Variants in TTC7A observed in about 807,000 individuals in gnomAD.
The protein encoded by TTC7A is tetratricopeptide repeat domain 7A.
In TTC7A, 110 loss-of-function variants were observed where a neutral mutation model predicts 103.7. That is an observed-to-expected ratio of 1.06 (90% CI 0.91 to 1.24). The LOEUF (loss-of-function observed/expected upper bound fraction) is 1.24. Ranked by LOEUF, TTC7A falls within the 50% of genes most tolerant of loss-of-function variation. TTC7A has a pLI of 0.00. For synonymous variants in TTC7A, 521 were observed against 467.9 expected (o/e 1.11, Z -1.47); for missense variants, 1,340 against 1,116.3 (o/e 1.20, Z -2.86).
In TTC7A at chr2:47,005,920, A is replaced by T; in HGVS notation, c.1066-2A>T. 1 of 1,614,086 alleles carries T rather than the reference A, an allele frequency of 6.2e-7. No homozygotes were observed. The highest frequency in any genetic ancestry group is 8.5e-7 in the Non-Finnish European group (1 of 1,180,016). ...CTTTCCCAAACAATGTCCCACCCAC[A>T]GGCAACTCGAGATGTGGTGCTGAGC... On this transcript the variant is annotated splice_acceptor_variant, in intron 8 of 19. Transcript: ENST00000319190. LOFTEE classifies it high-confidence loss of function.
chr2:46,932,603 T>C (rs1302902299), intron 2 of TTC7A, among the ~76,000 whole-genome samples: 2 of 151,884 alleles, frequency 1.3e-5, no homozygotes, highest in Non-Finnish European at 2.9e-5. Context: ...GAAAGATTAA[T>C]ATAGAAGCAG....
intron 8 of TTC7A, among the ~76,000 whole-genome samples, chr2:47,004,358 G>C (rs866431837): frequency 8.5e-5 from 13 of 152,204 alleles, no homozygotes; most frequent in African/African-American, 3.1e-4. Flanking sequence ...GACACACCCA[G>C]AGCCTGTGGT....
chr2:47,004,114 A>G (rs905129375), intron 8 of TTC7A, among the ~76,000 whole-genome samples: 3 of 152,152 alleles, frequency 2.0e-5, no homozygotes, highest in Non-Finnish European at 1.5e-5. Context: ...CTGACTCCAG[A>G]GCTCAGCCTT....
chr2:47,028,865 A>C (rs1451472407), intron 14 of TTC7A, among the ~76,000 whole-genome samples: 2 of 151,928 alleles, frequency 1.3e-5, no homozygotes, highest in Admixed American at 6.6e-5. Context: ...CATTTTCATC[A>C]TCTCCTCCTG....
chr2:47,063,005 A>C (rs1282641413), intron 19 of TTC7A, among the ~76,000 whole-genome samples: 1 of 152,214 alleles, frequency 6.6e-6, no homozygotes, highest in Non-Finnish European at 1.5e-5. Context: ...ACACATATGC[A>C]TAAAGAATAG....
chr2:47,012,901 G>A (rs1191140948), intron 11 of TTC7A, among the ~76,000 whole-genome samples: 1 of 152,178 alleles, frequency 6.6e-6, no homozygotes, highest in Non-Finnish European at 1.5e-5. Context: ...CATCTGGCTC[G>A]TGTTCTTTAT....
At chr2:46,979,270 G>A (rs959637527) in intron 5 of TTC7A, among the ~76,000 whole-genome samples, 1 of 152,128 alleles carries the variant, frequency 6.6e-6, no homozygotes, top group African/African-American at 2.4e-5. Context: ...GTCTACTGTT[G>A]TCTGCAGTGT....
chr2:46,918,205 G>C (rs1668914923), intron 2 of TTC7A, among the ~76,000 whole-genome samples: 1 of 152,122 alleles, frequency 6.6e-6, no homozygotes, highest in South Asian at 2.1e-4. Flanking sequence ...TCAGTCTTGT[G>C]CATTTTAGTA....
At chr2:47,067,363 G>A (rs191910418) in intron 19 of TTC7A, among the ~76,000 whole-genome samples, 16 of 152,340 alleles carry the variant, frequency 1.1e-4, no homozygotes, top group African/African-American at 2.9e-4. Flanking sequence ...TTGGTGGCAC[G>A]TGGCCTGAGC....
intron 19 of TTC7A, among the ~76,000 whole-genome samples, chr2:47,062,741 G>A (rs1164892248): frequency 1.3e-5 from 2 of 152,224 alleles, no homozygotes; most frequent in Admixed American, 6.5e-5. Flanking sequence ...ATTGTTTGTA[G>A]CTATTTTCCT....
intron 4 of TTC7A, among the ~76,000 whole-genome samples, chr2:46,977,634 A>G (rs958093202): frequency 6.6e-6 from 1 of 152,216 alleles, no homozygotes; most frequent in Non-Finnish European, 1.5e-5. Context: ...TGTTTGTGGA[A>G]TGAATTAACT....
intron 2 of TTC7A, among the ~76,000 whole-genome samples, chr2:46,926,970 T>A (rs552115874): frequency 1.4e-5 from 2 of 145,802 alleles, no homozygotes; most frequent in South Asian, 2.1e-4. Flanking sequence ...CAGAAAAATA[T>A]AACGGATAGA....
chr2:47,066,091 G>A (rs1684156954), intron 19 of TTC7A: 1 of 152,222 alleles, frequency 6.6e-6, no homozygotes, highest in Non-Finnish European at 1.5e-5. Context: ...TGCAGTTACT[G>A]AAGCATTCCT....
intron 3 of TTC7A, among the ~76,000 whole-genome samples, chr2:46,968,841 T>A (rs937197552): frequency 6.6e-6 from 1 of 152,154 alleles, no homozygotes; most frequent in South Asian, 2.1e-4. Context: ...AGTACCCTAA[T>A]AAAGATACAG....
At chr2:46,976,441 T>C (rs1271101342) in intron 4 of TTC7A, among the ~76,000 whole-genome samples, 5 of 152,146 alleles carry the variant, frequency 3.3e-5, no homozygotes, top group African/African-American at 4.8e-5. Flanking sequence ...GCAGCATAGA[T>C]TAGGATTGGT....
chr2:46,987,229 G>T (rs1347524244), intron 5 of TTC7A, among the ~76,000 whole-genome samples: 1 of 152,200 alleles, frequency 6.6e-6, no homozygotes, highest in Non-Finnish European at 1.5e-5. Flanking sequence ...CAGGCAGTTC[G>T]GCCACCTGGT....
intron 2 of TTC7A, chr2:46,917,364 C>T: frequency 1.7e-6 from 1 of 594,318 alleles, no homozygotes; most frequent in Non-Finnish European, 3.0e-6. Context: ...TTACTCTGAA[C>T]TTTGGATTAG....
intron 2 of TTC7A, among the ~76,000 whole-genome samples, chr2:46,956,282 C>A (rs185653385): frequency 6.6e-6 from 1 of 152,060 alleles, no homozygotes; most frequent in Non-Finnish European, 1.5e-5. Context: ...AGGATGGTGA[C>A]GCAGCAGGCC....
intron 18 of TTC7A, among the ~76,000 whole-genome samples, chr2:47,053,551 G>T (rs111832768): frequency 0.027 from 2,767 of 101,336 alleles, 39 homozygotes; most frequent in African/African-American, 0.045. Flanking sequence ...TGTTTGGTTG[G>T]TTGGTTGGTT....
Sources: gnomAD v4.1 joint callset for allele counts (sites outside exome capture counted in the v4.1 genomes callset) on GRCh38, gnomAD v4.1.1 for gene constraint, MANE v1.5 for transcripts, NCBI Gene and HGNC (gene_info 2026-07-23, HGNC 2026-07-21) for gene names.